RFX8: variants seen among roughly 807,000 people sequenced by gnomAD.
RFX8 encodes DNA-binding protein RFX8.
In RFX8, 46 loss-of-function variants were observed where a neutral mutation model predicts 54.6. The observed-to-expected ratio is 0.84, with a 90% CI of 0.67 to 1.08. The LOEUF is 1.08. Ranked by LOEUF, RFX8 falls within the 50% of genes least tolerant of loss-of-function variation. The probability of loss-of-function intolerance (pLI) is 0.00; values close to 1 mark genes in which losing one functional copy is unlikely to be tolerated. For synonymous variants in RFX8, 192 were observed against 209.5 expected, an observed-to-expected ratio of 0.92 and a Z score of 0.72; for missense variants, 536 against 562.3, an observed-to-expected ratio of 0.95 and a Z score of 0.47.
intron 2 of RFX8, among the ~76,000 whole-genome samples, chr2:101,431,634 C>T (rs1687494605): frequency 6.6e-6 from 1 of 152,226 alleles, no homozygotes; most frequent in Admixed American, 6.5e-5. Context: ...AAGGAAAACT[C>T]TCAACTTTAT....
chr2:101,435,722 G>A (rs951128590), intron 2 of RFX8, among the ~76,000 whole-genome samples: 2 of 152,170 alleles, frequency 1.3e-5, no homozygotes, highest in Non-Finnish European at 2.9e-5. Context: ...GGAATCTGGG[G>A]AGGCCATTCT....
At chr2:101,473,674 C>T (rs1023552050) in intron 1 of RFX8, among the ~76,000 whole-genome samples, 13 of 152,206 alleles carry the variant, frequency 8.5e-5, no homozygotes, top group African/African-American at 3.1e-4. Context: ...AGAAGATCTG[C>T]AACCCCATGA....
At chr2:101,472,361 C>G (rs943890842) in intron 1 of RFX8, among the ~76,000 whole-genome samples, 2 of 152,140 alleles carry the variant, frequency 1.3e-5, no homozygotes, top group African/African-American at 4.8e-5. Flanking sequence ...CTCGGCCTCC[C>G]AAAGTGCTGG....
chr2:101,407,076 A>G (rs1345547801), intron 9 of RFX8, among the ~76,000 whole-genome samples: 1 of 152,238 alleles, frequency 6.6e-6, no homozygotes, highest in Admixed American at 6.5e-5. Flanking sequence ...ATCTGTTGAT[A>G]TGCATGCTCC....
At chr2:101,407,941 C>T (rs561347657) in intron 9 of RFX8, among the ~76,000 whole-genome samples, 1 of 152,268 alleles carries the variant, frequency 6.6e-6, no homozygotes, top group African/African-American at 2.4e-5. Context: ...CTGACAAGCC[C>T]AAAGGTGTGC....
chr2:101,452,410 T>A (rs4851449), intron 2 of RFX8: 457,111 of 1,383,048 alleles, frequency 0.33, 78,001 homozygotes, highest in African/African-American at 0.43. Context: ...GTGCCCAGCC[T>A]CCGGGTGCCA....
intron 2 of RFX8, among the ~76,000 whole-genome samples, chr2:101,433,881 A>C (rs1207899965): frequency 3.9e-5 from 6 of 152,246 alleles, no homozygotes; most frequent in African/African-American, 1.2e-4. Flanking sequence ...GTTTTGATTA[A>C]GAGAAGATAT....
chr2:101,436,876 A>G (rs1161572745), intron 2 of RFX8, among the ~76,000 whole-genome samples: 1 of 152,144 alleles, frequency 6.6e-6, no homozygotes, highest in East Asian at 1.9e-4. Flanking sequence ...GTGCGTCCAG[A>G]GGAAAAGCAA....
intron 10 of RFX8, among the ~76,000 whole-genome samples, chr2:101,405,114 T>A (rs1435324626): frequency 6.6e-6 from 1 of 151,458 alleles, no homozygotes; most frequent in East Asian, 1.9e-4. Context: ...ATGAAGCTGG[T>A]GGGCTGAGTG....
chr2:101,421,993 A>G (rs1227721757), intron 3 of RFX8, among the ~76,000 whole-genome samples: 2 of 152,174 alleles, frequency 1.3e-5, no homozygotes, highest in African/African-American at 4.8e-5. Context: ...TTTCAATGTC[A>G]TAACTCATAT....
intron 1 of RFX8, among the ~76,000 whole-genome samples, chr2:101,469,321 TA>T (rs5832972): frequency 0.57 from 84,703 of 149,880 alleles, 24,959 homozygotes; most frequent in Non-Finnish European, 0.64. Context: ...TCCAGATACT[TA>T]AAAAAAAATT....
At chr2:101,403,058 G>C (rs1026214862) in intron 10 of RFX8, among the ~76,000 whole-genome samples, 1 of 152,244 alleles carries the variant, frequency 6.6e-6, no homozygotes, top group African/African-American at 2.4e-5. Flanking sequence ...GCTGCTCCCA[G>C]AGCTGGAGAG....
intron 1 of RFX8, among the ~76,000 whole-genome samples, chr2:101,472,863 CA>C (rs1442869582): frequency 1.3e-5 from 2 of 151,970 alleles, no homozygotes; most frequent in African/African-American, 2.4e-5. Context: ...AATAAAAATA[CA>C]AAAATTAGCA....
intron 1 of RFX8, among the ~76,000 whole-genome samples, chr2:101,468,902 G>A (rs1007447802): frequency 2.7e-5 from 4 of 149,056 alleles, no homozygotes; most frequent in African/African-American, 5.0e-5. Flanking sequence ...TGAGTACAGG[G>A]TGATACCTAT....
intron 2 of RFX8, among the ~76,000 whole-genome samples, chr2:101,435,479 G>T (rs973781481): frequency 1.3e-5 from 2 of 152,136 alleles, no homozygotes; most frequent in Admixed American, 1.3e-4. Context: ...CAGGGATTTT[G>T]CCTAAGAGGT....
In RFX8 at chr2:101,402,769, A is replaced by G; in HGVS notation, c.929-17T>C. On this transcript the variant is annotated splice_polypyrimidine_tract_variant and intron_variant, in intron 10 of 11. Transcript: ENST00000428343. Reference sequence around the variant, plus strand: ...GCCAGGAGCCTACATTTAGATAATAACCAAAAATGAATACATTTGATCGAC... The same window carrying G: ...GCCAGGAGCCTACATTTAGATAATAGCCAAAAATGAATACATTTGATCGAC... The G allele has an allele frequency of 1.3e-6, 2 of 1,528,630 alleles. No homozygotes were observed. Among genetic ancestry groups the G allele is most frequent in the South Asian group, 1.2e-5 (1 of 82,252 alleles). The allele number at this position is 1,528,630 out of a possible 1,614,324, so 94.7% of individuals were successfully genotyped here.
In RFX8 at chr2:101,410,417, A is replaced by ACT. The variant is rs565146569; in HGVS notation, c.813+200_813+201dup. Among the ~76,000 whole-genome samples the ACT allele has an allele frequency of 5.6e-3, 827 of 147,594 alleles. 13 individuals are homozygous for ACT. Among genetic ancestry groups the ACT allele is most frequent in the East Asian group, 0.015 (76 of 5,014 alleles). On this transcript the variant is annotated intron_variant, in intron 9 of 11. Transcript: ENST00000428343. ...CACACACACACACACACACACACAC[A>ACT]CTTATGTGATGTGCTCCACCAGACC...
chr2:101,456,578 G>A (rs1040456630), intron 2 of RFX8, among the ~76,000 whole-genome samples: 4 of 152,202 alleles, frequency 2.6e-5, no homozygotes, highest in Admixed American at 2.6e-4. Flanking sequence ...GATCATAGTG[G>A]ATAAGCTTTT....
At chr2:101,407,882 G>A (rs1685838257) in intron 9 of RFX8, among the ~76,000 whole-genome samples, 1 of 152,164 alleles carries the variant, frequency 6.6e-6, no homozygotes, top group Non-Finnish European at 1.5e-5. Context: ...GGCCCGAACT[G>A]CCCTCTGCTC....
Sources: gnomAD v4.1 joint callset for allele counts (sites outside exome capture counted in the v4.1 genomes callset) on GRCh38, gnomAD v4.1.1 for gene constraint, MANE v1.5 for transcripts, NCBI Gene and HGNC (gene_info 2026-07-23, HGNC 2026-07-21) for gene names.